The following CALN1 variants were observed in gnomAD, a reference collection of about 807,000 sequenced individuals.
CALN1 encodes the protein calneuron 1.
In CALN1, 17 loss-of-function variants were observed where a neutral mutation model predicts 30.6. The ratio of observed to expected loss-of-function variants is 0.56; its 90% CI spans 0.38 to 0.83. The LOEUF is 0.83. Among genes scored for constraint, CALN1 ranks in the 40% least tolerant of loss-of-function variants. The probability of loss-of-function intolerance (pLI) is 0.00; values close to 1 mark genes in which losing one functional copy is unlikely to be tolerated. For synonymous variants in CALN1, 156 were observed against 131.4 expected (o/e 1.19, Z -1.28); for missense variants, 291 against 354.9 (o/e 0.82, Z 1.45).
intron 3 of CALN1, among the ~76,000 whole-genome samples, chr7:72,209,016 CCT>C (rs1792115247): frequency 5.0e-5 from 2 of 39,990 alleles, no homozygotes; most frequent in East Asian, 8.1e-4. Flanking sequence ...TTCCCTCTTT[CCT>C]TCCTTCCCTC....
chr7:71,896,457 C>A (rs1793537109), intron 5 of CALN1, among the ~76,000 whole-genome samples: 1 of 152,174 alleles, frequency 6.6e-6, no homozygotes, highest in Admixed American at 6.6e-5. Flanking sequence ...ATCATGCTTA[C>A]AAGGCCTGAT....
intron 2 of CALN1, among the ~76,000 whole-genome samples, chr7:72,356,310 A>G (rs1157954661): frequency 4.0e-5 from 6 of 150,220 alleles, no homozygotes; most frequent in African/African-American, 1.3e-4. Context: ...TTAATCTAAT[A>G]ATAATAAATG....
upstream of CALN1, among the ~76,000 whole-genome samples, chr7:72,447,838 T>C (rs142870826): frequency 3.7e-4 from 55 of 149,850 alleles, 1 homozygote; most frequent in East Asian, 0.01. Context: ...TACCCACCCG[T>C]GTACACACAC....
intron 2 of CALN1, among the ~76,000 whole-genome samples, chr7:72,342,615 T>C (rs1321142662): frequency 6.6e-6 from 1 of 152,130 alleles, no homozygotes; most frequent in African/African-American, 2.4e-5. Flanking sequence ...CAGGAAACAG[T>C]GAGGAGTCAA....
At chr7:72,034,772 A>T (rs1344738796) in intron 4 of CALN1, among the ~76,000 whole-genome samples, 2 of 145,342 alleles carry the variant, frequency 1.4e-5, no homozygotes, top group African/African-American at 2.6e-5. Context: ...TGGGCGACAG[A>T]ATGACAGAGT....
intron 3 of CALN1, 22 bp downstream of exon 3, chr7:72,278,664 C>A (rs373364697): frequency 1.3e-6 from 2 of 1,599,706 alleles, no homozygotes; most frequent in Non-Finnish European, 1.7e-6. Context: ...GGCCATCCCC[C>A]CAAACAGGGT....
At position 71,788,496 on chromosome 7, in the gene CALN1, T is replaced by G. The variant is rs533583394; in HGVS notation, c.659-594A>C. ...CTAAGAGGTTTTTTTTTGTTGTTTT[T>G]TTTTTTTTTTTTAGAGAAAGTGTCT... is the stretch of plus-strand genomic sequence containing the variant. On this transcript the variant is annotated intron_variant, in intron 6 of 6. Transcript: ENST00000395275. Among the ~76,000 whole-genome samples the G allele has an allele frequency of 1.4e-3, 207 of 148,408 alleles. 4 individuals are homozygous for G. The highest frequency in any genetic ancestry group is 5.0e-3 in the African/African-American group (195 of 38,876).
chr7:71,961,875 G>A (rs1376713008), intron 5 of CALN1, among the ~76,000 whole-genome samples: 1 of 152,052 alleles, frequency 6.6e-6, no homozygotes. Context: ...CCTATTTCCC[G>A]CTGAGTGGCA....
At chr7:72,253,300 A>T (rs927019307) in intron 3 of CALN1, among the ~76,000 whole-genome samples, 1 of 152,206 alleles carries the variant, frequency 6.6e-6, no homozygotes, top group Non-Finnish European at 1.5e-5. Context: ...TTTATTTATT[A>T]CCTCTATGGA....
chr7:72,400,699 G>A (rs779910246), intron 2 of CALN1, among the ~76,000 whole-genome samples: 22 of 152,156 alleles, frequency 1.4e-4, no homozygotes, highest in East Asian at 3.9e-4. Context: ...GTGAAACCCC[G>A]TCTCCACGAA....
intron 3 of CALN1, among the ~76,000 whole-genome samples, chr7:72,145,345 C>T (rs1212056477): frequency 6.6e-6 from 1 of 152,204 alleles, no homozygotes; most frequent in Admixed American, 6.5e-5. Flanking sequence ...ATAAACACCT[C>T]TACACAAATA....
At chr7:72,283,563 T>C (rs1020221907) in intron 2 of CALN1, among the ~76,000 whole-genome samples, 4 of 152,214 alleles carry the variant, frequency 2.6e-5, no homozygotes, top group African/African-American at 7.2e-5. Flanking sequence ...GAAAGCACTG[T>C]ACTTAGCACC....
chr7:72,303,314 A>G (rs77410618), intron 2 of CALN1, among the ~76,000 whole-genome samples: 1,556 of 152,228 alleles, frequency 0.01, 16 homozygotes, highest in Non-Finnish European at 0.016. Context: ...TCAGTGCATT[A>G]AAGAAACTGC....
At chr7:72,292,521 A>G (rs1041367207) in intron 2 of CALN1, among the ~76,000 whole-genome samples, 1 of 150,854 alleles carries the variant, frequency 6.6e-6, no homozygotes, top group Non-Finnish European at 1.5e-5. Flanking sequence ...CACATTGGCA[A>G]TAAGAATTTC....
At chr7:72,026,372 G>A (rs575845480) in intron 4 of CALN1, among the ~76,000 whole-genome samples, 1 of 152,180 alleles carries the variant, frequency 6.6e-6, no homozygotes, top group South Asian at 2.1e-4. Context: ...GATCACCTGA[G>A]GTCAGGAGTT....
intron 5 of CALN1, among the ~76,000 whole-genome samples, chr7:71,963,757 A>G (rs367909697): frequency 1.3e-5 from 2 of 152,122 alleles, no homozygotes; most frequent in East Asian, 3.9e-4. Flanking sequence ...ATTAGCACTT[A>G]TTCTATATTT....
chr7:71,878,849 C>A (rs1261422552), intron 5 of CALN1, among the ~76,000 whole-genome samples: 1 of 152,148 alleles, frequency 6.6e-6, no homozygotes, highest in Admixed American at 6.5e-5. Flanking sequence ...TCCTGGTGAC[C>A]CAGAGACCAC....
chr7:71,865,206 C>T (rs1025105947), intron 5 of CALN1, among the ~76,000 whole-genome samples: 4 of 152,124 alleles, frequency 2.6e-5, no homozygotes, highest in East Asian at 1.9e-4. Context: ...ATACTTGGAT[C>T]GTGGGGGTGG....
intron 2 of CALN1, among the ~76,000 whole-genome samples, chr7:72,317,284 G>GGGAA (rs1395593966): frequency 6.6e-6 from 1 of 150,832 alleles, no homozygotes. Flanking sequence ...AGGAAGGGAA[G>GGGAA]GGAAGGAAGG....
Sources: gnomAD v4.1 joint callset for allele counts (sites outside exome capture counted in the v4.1 genomes callset) on GRCh38, gnomAD v4.1.1 for gene constraint, MANE v1.5 for transcripts, NCBI Gene and HGNC (gene_info 2026-07-23, HGNC 2026-07-21) for gene names.